Variants in CTNNA3 observed in about 807,000 individuals in gnomAD.
CTNNA3 encodes the protein catenin alpha-3.
CTNNA3 carries 76 observed loss-of-function variants against 95.7 expected under a neutral mutation model. The ratio of observed to expected loss-of-function variants is 0.79; its 90% CI spans 0.66 to 0.96. The LOEUF (loss-of-function observed/expected upper bound fraction) is 0.96, where lower values mean the gene tolerates loss of function less well. Ranked by LOEUF, CTNNA3 falls within the 40% of genes least tolerant of loss-of-function variation. The probability of loss-of-function intolerance (pLI) is 0.00; values close to 1 mark genes in which losing one functional copy is unlikely to be tolerated. For missense variants in CTNNA3, 1,191 were observed against 1,089.8 expected (o/e 1.09, Z -1.31); for synonymous variants, 431 against 374.4 (o/e 1.15, Z -1.74).
At chr10:67,407,007 C>T (rs1393001782) in intron 5 of CTNNA3, among the ~76,000 whole-genome samples, 1 of 152,174 alleles carries the variant, frequency 6.6e-6, no homozygotes, top group African/African-American at 2.4e-5. Context: ...GAGCTGGTAC[C>T]ATTCCTATTG....
chr10:67,687,669 G>A (rs1840760099), intron 1 of CTNNA3, among the ~76,000 whole-genome samples: 2 of 152,194 alleles, frequency 1.3e-5, no homozygotes, highest in South Asian at 4.1e-4. Context: ...ATCTGTGGCT[G>A]ATTAGGTAAT....
intron 3 of CTNNA3, among the ~76,000 whole-genome samples, chr10:67,604,008 G>A (rs886443258): frequency 2.0e-5 from 3 of 152,048 alleles, no homozygotes; most frequent in African/African-American, 7.2e-5. Context: ...TCTTTTCTAT[G>A]TTTAGATATA....
chr10:66,713,897 A>C (rs1848371899), intron 9 of CTNNA3, among the ~76,000 whole-genome samples: 1 of 152,104 alleles, frequency 6.6e-6, no homozygotes, highest in Admixed American at 6.6e-5. Flanking sequence ...ATTAAGGGTG[A>C]ACATGCATCC....
chr10:67,654,805 GCT>G (rs1437477944), intron 1 of CTNNA3, among the ~76,000 whole-genome samples: 1 of 152,016 alleles, frequency 6.6e-6, no homozygotes, highest in Non-Finnish European at 1.5e-5. Context: ...CCATCCAAAT[GCT>G]CTCTGTTATT....
intron 15 of CTNNA3, 120 bp downstream of exon 15, chr10:66,069,188 T>G: frequency 1.1e-6 from 1 of 880,872 alleles, no homozygotes; most frequent in Non-Finnish European, 1.8e-6. Context: ...AATACTATAT[T>G]TGCTTTTCCC....
chr10:66,952,587 T>C (rs1053947339), intron 7 of CTNNA3, among the ~76,000 whole-genome samples: 2 of 152,120 alleles, frequency 1.3e-5, no homozygotes, highest in Non-Finnish European at 2.9e-5. Context: ...ATCATGATGA[T>C]GTACTACTTA....
intron 13 of CTNNA3, among the ~76,000 whole-genome samples, chr10:66,266,571 A>T (rs1473052929): frequency 3.3e-5 from 5 of 152,024 alleles, no homozygotes; most frequent in Non-Finnish European, 5.9e-5. Flanking sequence ...GAGACATGTT[A>T]TACCTTGGAA....
intron 7 of CTNNA3, among the ~76,000 whole-genome samples, chr10:66,967,593 G>A (rs1486620907): frequency 6.6e-6 from 1 of 151,868 alleles, no homozygotes; most frequent in Non-Finnish European, 1.5e-5. Context: ...ACCATATGAG[G>A]CGGGACTATG....
At chr10:66,186,265 A>G (rs2086336684) in intron 13 of CTNNA3, among the ~76,000 whole-genome samples, 1 of 146,074 alleles carries the variant, frequency 6.8e-6, no homozygotes, top group South Asian at 2.4e-4. Flanking sequence ...GTCAATTAAA[A>G]ACAAAATAAA....
At chr10:67,443,701 T>C (rs1846624940) in intron 5 of CTNNA3, among the ~76,000 whole-genome samples, 1 of 152,174 alleles carries the variant, frequency 6.6e-6, no homozygotes, top group Admixed American at 6.5e-5. Flanking sequence ...TATTAGCCCT[T>C]TGTCAGATGA....
intron 5 of CTNNA3, among the ~76,000 whole-genome samples, chr10:67,519,192 T>A (rs1276439432): frequency 6.6e-6 from 1 of 152,078 alleles, no homozygotes; most frequent in Non-Finnish European, 1.5e-5. Flanking sequence ...AGTGAGAGAA[T>A]GGAGCAAAGA....
chr10:65,940,501 G>T (rs889505197), intron 17 of CTNNA3, among the ~76,000 whole-genome samples: 3 of 152,114 alleles, frequency 2.0e-5, no homozygotes, highest in African/African-American at 7.2e-5. Flanking sequence ...AACATATACT[G>T]ACTCTTTCAT....
chr10:66,099,735 C>T (rs1046636808), intron 14 of CTNNA3, among the ~76,000 whole-genome samples: 1 of 152,144 alleles, frequency 6.6e-6, no homozygotes, highest in African/African-American at 2.4e-5. Context: ...GTGTCTTCCC[C>T]TTGTCAGACA....
At chr10:67,637,589 A>G (rs1044708006) in intron 2 of CTNNA3, among the ~76,000 whole-genome samples, 2 of 152,202 alleles carry the variant, frequency 1.3e-5, no homozygotes, top group Non-Finnish European at 2.9e-5. Context: ...GAAATGAAGG[A>G]AAAAATGGTA....
At chr10:67,688,954 T>C (rs952002843) in intron 1 of CTNNA3, among the ~76,000 whole-genome samples, 1 of 152,078 alleles carries the variant, frequency 6.6e-6, no homozygotes, top group Admixed American at 6.5e-5. Context: ...CCGAGGAAGG[T>C]CAGATTTAGT....
intron 4 of CTNNA3, among the ~76,000 whole-genome samples, chr10:67,533,485 C>T (rs188111024): frequency 6.6e-6 from 1 of 152,060 alleles, no homozygotes; most frequent in Non-Finnish European, 1.5e-5. Flanking sequence ...GACAATAGAG[C>T]CAAAATACCT....
chr10:67,702,126 C>T (rs1841044748), intron 1 of CTNNA3, among the ~76,000 whole-genome samples: 1 of 152,156 alleles, frequency 6.6e-6, no homozygotes, highest in African/African-American at 2.4e-5. Context: ...ATTCATAAAG[C>T]AAGTCCTGAG....
At chr10:67,497,737 A>C (rs2133094087) in intron 5 of CTNNA3, among the ~76,000 whole-genome samples, 1 of 152,318 alleles carries the variant, frequency 6.6e-6, no homozygotes, top group Non-Finnish European at 1.5e-5. Context: ...TCTTCTTTTG[A>C]GAAATATCTG....
Position 66,378,565 on chromosome 10 carries a change from A to C in CTNNA3, c.1732+587T>G, listed in dbSNP as rs567015548. 3.2e-4 allele frequency among the ~76,000 whole-genome samples: 48 copies of C among 152,328 alleles called. 1 individual carries two copies. The South Asian group carries it at 9.7e-3, about 31-fold the overall frequency. ...AACAATAGTGTTAAAATGCCATTTC[A>C]CTGAGGGATTCAAGAACTAAGCATT... On this transcript the variant is annotated intron_variant, in intron 12 of 17. Transcript: ENST00000433211.
Sources: allele counts gnomAD v4.1 joint callset (sites outside exome capture counted in the v4.1 genomes callset), GRCh38; gene constraint gnomAD v4.1.1; transcripts MANE v1.5; gene names NCBI Gene and HGNC (gene_info 2026-07-23, HGNC 2026-07-21).